The following INPP4B variants were observed in gnomAD, a reference collection of about 807,000 sequenced individuals.
INPP4B encodes inositol polyphosphate-4-phosphatase type II B.
In INPP4B, 55 loss-of-function variants were observed where a neutral mutation model predicts 122.5. That is an observed-to-expected ratio of 0.45 (90% CI 0.36 to 0.56). The LOEUF is 0.56. INPP4B is among the 20% of genes least tolerant of loss of function. The pLI, the probability that INPP4B is intolerant of heterozygous loss-of-function variation, is 0.00. For missense variants in INPP4B, 1,000 were observed against 1,097.7 expected (o/e 0.91, Z 1.26); for synonymous variants, 403 against 388.7 (o/e 1.04, Z -0.43).
At chr4:142,809,546 A>G (rs1009071581) in intron 1 of INPP4B, among the ~76,000 whole-genome samples, 1 of 152,214 alleles carries the variant, frequency 6.6e-6, no homozygotes, top group African/African-American at 2.4e-5. Flanking sequence ...CCCATTTGGT[A>G]TAAATGGAGA....
chr4:142,142,386 C>T (rs975011813), intron 18 of INPP4B, among the ~76,000 whole-genome samples: 2 of 151,914 alleles, frequency 1.3e-5, no homozygotes, highest in Non-Finnish European at 2.9e-5. Context: ...GCTTTTAGAT[C>T]CTGTTAGTTA....
chr4:142,212,238 C>T (rs763741006), intron 12 of INPP4B, among the ~76,000 whole-genome samples: 6 of 152,014 alleles, frequency 3.9e-5, no homozygotes, highest in East Asian at 1.9e-4. Flanking sequence ...TGGCAATGTG[C>T]GATTCCCCAG....
chr4:142,691,263 T>C (rs1200557047), intron 2 of INPP4B, among the ~76,000 whole-genome samples: 1 of 151,994 alleles, frequency 6.6e-6, no homozygotes, highest in African/African-American at 2.4e-5. Context: ...GAGACTTGAA[T>C]GTGATGTTGA....
chr4:142,051,213 C>T (rs1754401773), intron 25 of INPP4B, among the ~76,000 whole-genome samples: 1 of 151,956 alleles, frequency 6.6e-6, no homozygotes, highest in African/African-American at 2.4e-5. Context: ...GATACTACAG[C>T]CAAGAACACA....
At chr4:142,661,886 TG>T (rs1477830948) in intron 2 of INPP4B, among the ~76,000 whole-genome samples, 1 of 152,192 alleles carries the variant, frequency 6.6e-6, no homozygotes, top group African/African-American at 2.4e-5. Context: ...GTCTTCCACA[TG>T]ATCTGATGGG....
chr4:142,838,627 A>T (rs1450114705), intron 1 of INPP4B, among the ~76,000 whole-genome samples: 1 of 152,290 alleles, frequency 6.6e-6, no homozygotes, highest in East Asian at 1.9e-4. Context: ...TCCCTATATA[A>T]CTTGCAAGTA....
intron 2 of INPP4B, among the ~76,000 whole-genome samples, chr4:142,717,263 A>G (rs1763897065): frequency 6.6e-6 from 1 of 152,216 alleles, no homozygotes; most frequent in Non-Finnish European, 1.5e-5. Flanking sequence ...GACTTGATGG[A>G]ATTCATAGTG....
chr4:142,336,532 T>C (rs1028322452), intron 7 of INPP4B, among the ~76,000 whole-genome samples: 1 of 152,216 alleles, frequency 6.6e-6, no homozygotes, highest in Non-Finnish European at 1.5e-5. Flanking sequence ...ATGAACAAGC[T>C]GTAATATGCC....
intron 7 of INPP4B, among the ~76,000 whole-genome samples, chr4:142,364,720 T>G (rs910485505): frequency 6.6e-6 from 1 of 151,992 alleles, no homozygotes; most frequent in Admixed American, 6.6e-5. Context: ...AGGCACACAA[T>G]CCATGTGTGC....
chr4:142,394,881 C>G (rs192317411), intron 7 of INPP4B, among the ~76,000 whole-genome samples: 123 of 152,196 alleles, frequency 8.1e-4, no homozygotes, highest in African/African-American at 2.8e-3. Context: ...TATCTTTGCT[C>G]AGATCAATGT....
chr4:142,700,417 G>T (rs151160829), intron 2 of INPP4B, among the ~76,000 whole-genome samples: 53 of 152,184 alleles, frequency 3.5e-4, no homozygotes, highest in African/African-American at 1.2e-3. Context: ...TTTTTGTGCT[G>T]TATCTTGTAT....
chr4:142,693,475 C>T (rs1235627732), intron 2 of INPP4B, among the ~76,000 whole-genome samples: 5 of 101,110 alleles, frequency 4.9e-5, no homozygotes, highest in African/African-American at 1.6e-4. Flanking sequence ...TCTTAAAATG[C>T]CTTTTTCTAA....
chr4:142,384,769 A>G (rs1365260194), intron 7 of INPP4B, among the ~76,000 whole-genome samples: 2 of 152,124 alleles, frequency 1.3e-5, no homozygotes, highest in African/African-American at 2.4e-5. Context: ...TGTGCAGATT[A>G]CTTTGTCACC....
At chr4:142,687,915 T>C (rs1759603782) in intron 2 of INPP4B, among the ~76,000 whole-genome samples, 1 of 152,080 alleles carries the variant, frequency 6.6e-6, no homozygotes, top group Non-Finnish European at 1.5e-5. Flanking sequence ...TCTTCACTTA[T>C]TCCTTTCTAC....
intron 1 of INPP4B, among the ~76,000 whole-genome samples, chr4:142,771,864 T>C (rs1433922469): frequency 6.6e-6 from 1 of 152,148 alleles, no homozygotes; most frequent in Non-Finnish European, 1.5e-5. Context: ...AAGGCTGAGT[T>C]CAAAGAGCTA....
At chr4:142,440,037 T>G (rs1457701662) in intron 3 of INPP4B, among the ~76,000 whole-genome samples, 1 of 152,180 alleles carries the variant, frequency 6.6e-6, no homozygotes, top group East Asian at 1.9e-4. Flanking sequence ...ATAAAATAAC[T>G]CTGTCAGAAC....
At chr4:142,652,312 A>G (rs1457947656) in intron 2 of INPP4B, among the ~76,000 whole-genome samples, 2 of 152,220 alleles carry the variant, frequency 1.3e-5, no homozygotes, top group East Asian at 3.8e-4. Flanking sequence ...AACCAGCACA[A>G]GACAAGAATG....
intron 23 of INPP4B, among the ~76,000 whole-genome samples, chr4:142,088,931 T>C (rs3775628): frequency 0.25 from 38,288 of 152,084 alleles, 4,891 homozygotes; most frequent in East Asian, 0.3. Context: ...TAAAGATTTG[T>C]GAAGCAAGGG....
chr4:142,825,088 T>C (rs74496798), intron 1 of INPP4B, among the ~76,000 whole-genome samples: 6,117 of 152,234 alleles, frequency 0.04, 129 homozygotes, highest in African/African-American at 0.06. Context: ...CAGACTTTTT[T>C]AGTAACCATG....
Sources: gnomAD v4.1 joint callset for allele counts (sites outside exome capture counted in the v4.1 genomes callset) on GRCh38, gnomAD v4.1.1 for gene constraint, MANE v1.5 for transcripts, NCBI Gene and HGNC (gene_info 2026-07-23, HGNC 2026-07-21) for gene names.